The following TLN2 variants were observed in gnomAD, a reference collection of about 807,000 sequenced individuals.
The protein encoded by TLN2 is talin 2.
Under a neutral mutation model 294.7 loss-of-function variants are expected in TLN2, and 118 were observed. The ratio of observed to expected loss-of-function variants is 0.40; its 90% CI spans 0.34 to 0.47. TLN2 has a LOEUF of 0.47. Ranked by LOEUF, TLN2 falls within the 20% of genes least tolerant of loss-of-function variation. The probability of loss-of-function intolerance (pLI) is 0.84; values close to 1 mark genes in which losing one functional copy is unlikely to be tolerated. For synonymous variants in TLN2, 1,431 were observed against 1,304.5 expected (o/e 1.10, Z -2.09); for missense variants, 3,083 against 3,282.2 (o/e 0.94, Z 1.48).
At chr15:62,691,688 C>CT (rs1201630710) in intron 12 of TLN2, among the ~76,000 whole-genome samples, 1 of 151,730 alleles carries the variant, frequency 6.6e-6, no homozygotes, top group African/African-American at 2.4e-5. Flanking sequence ...ATTAGGAGAC[C>CT]TGTTTTTTTT....
chr15:62,818,408 G>T (rs1165458060), intron 52 of TLN2, among the ~76,000 whole-genome samples: 1 of 152,206 alleles, frequency 6.6e-6, no homozygotes, highest in South Asian at 2.1e-4. Context: ...GGAAGGGATA[G>T]GATGGTGTGC....
chr15:62,667,614 A>C (rs1293133095), intron 9 of TLN2, among the ~76,000 whole-genome samples: 1 of 152,170 alleles, frequency 6.6e-6, no homozygotes, highest in African/African-American at 2.4e-5. Flanking sequence ...TCTCCTTTTC[A>C]AGTGATAAAA....
At chr15:62,394,473 C>T (rs2032366419) in intron 1 of TLN2, among the ~76,000 whole-genome samples, 1 of 152,134 alleles carries the variant, frequency 6.6e-6, no homozygotes, top group Non-Finnish European at 1.5e-5. Context: ...CCACTGGTGC[C>T]TTTTTAATTA....
chr15:62,729,545 C>T (rs1364548814), intron 28 of TLN2, among the ~76,000 whole-genome samples: 1 of 152,144 alleles, frequency 6.6e-6, no homozygotes, highest in East Asian at 1.9e-4. Context: ...TGGTTTTCTG[C>T]ATAGAAGTCT....
intron 1 of TLN2, among the ~76,000 whole-genome samples, chr15:62,396,509 T>G (rs1273301201): frequency 2.6e-5 from 4 of 152,146 alleles, no homozygotes; most frequent in African/African-American, 9.7e-5. Context: ...GTGTAAAGGA[T>G]AGCTTTGATT....
At chr15:62,656,295 C>G (rs1272539450) in intron 8 of TLN2, among the ~76,000 whole-genome samples, 1 of 152,152 alleles carries the variant, frequency 6.6e-6, no homozygotes, top group Non-Finnish European at 1.5e-5. Context: ...GTAGGGCCTC[C>G]CTATGGCTTC....
chr15:62,577,826 A>G (rs549921074), intron 1 of TLN2, among the ~76,000 whole-genome samples: 19 of 152,244 alleles, frequency 1.2e-4, no homozygotes, highest in African/African-American at 4.6e-4. Flanking sequence ...TATTTCTCCT[A>G]ATGCTATCCC....
In TLN2 at chr15:62,696,493, G is replaced by A. The variant is rs553434417; in HGVS notation, c.1293-1195G>A. Among the ~76,000 whole-genome samples the A allele has an allele frequency of 7.9e-5, 12 of 152,262 alleles. No homozygotes were observed. The East Asian group carries it at 2.3e-3, about 29-fold the overall frequency. On this transcript the variant is annotated intron_variant, in intron 14 of 58. Transcript: ENST00000636159. ...AGGCTGAGGCGGGTGGTTCACCTGA[G>A]GTCAGGAGTTCAAGACCAGCCTGGC...
intron 37 of TLN2, 37 bp downstream of exon 37, chr15:62,755,730 A>C (rs754176413): frequency 1.2e-6 from 2 of 1,611,352 alleles, no homozygotes; most frequent in African/African-American, 2.7e-5. Flanking sequence ...TGAACTCTGT[A>C]ACTCCTGTTC....
At position 62,762,462 on chromosome 15, in the gene TLN2, C is replaced by T. The variant is rs1376674106; in HGVS notation, c.4961+9C>T. 6.2e-7 allele frequency: 1 copy of T among 1,612,568 alleles called. No homozygotes were observed. The highest frequency in any genetic ancestry group is 2.2e-5 in the East Asian group (1 of 44,864). On this transcript the variant is annotated intron_variant, in intron 39 of 58. Coordinates refer to ENST00000636159, the MANE Select transcript of TLN2 (RefSeq NM_015059.3). ...CTCATCACTTCTATCAGGTCAGTTT[C>T]CCATCCGGAGGTTGCTGCCAGCCTG...
At chr15:62,653,473 C>G (rs997226340) in intron 7 of TLN2, among the ~76,000 whole-genome samples, 159 bp downstream of exon 7, 1 of 152,136 alleles carries the variant, frequency 6.6e-6, no homozygotes, top group Non-Finnish European at 1.5e-5. Flanking sequence ...CTTCTATAAT[C>G]CCAGTATTTT....
intron 1 of TLN2, among the ~76,000 whole-genome samples, chr15:62,583,976 A>G (rs2045370445): frequency 6.6e-6 from 1 of 152,336 alleles, no homozygotes. Context: ...TTGCCCTCCT[A>G]GTAAGCATAT....
In TLN2 at chr15:62,755,661, A is replaced by G; in HGVS notation, c.4606A>G (p.Asn1536Asp). ...CGTCCAGTCAGCCAAGGAAGTCGCC[A>G]ACAGCACTGCCAACCTGGTGAAGAC... ...HFVQSAKEVA[N>D]STANLVKTIK... The change falls in exon 37 of 59, where the codon AAC becomes GAC. Residue 1536 changes from asparagine (N) to aspartate (D), a missense_variant. Transcript: ENST00000636159. 1 of 1,614,260 alleles carries G rather than the reference A, an allele frequency of 6.2e-7. No homozygotes were observed. Among genetic ancestry groups the G allele is most frequent in the Non-Finnish European group, 8.5e-7 (1 of 1,180,044 alleles).
intron 1 of TLN2, among the ~76,000 whole-genome samples, chr15:62,574,954 A>G (rs1567125264): frequency 7.0e-6 from 1 of 142,080 alleles, no homozygotes; most frequent in East Asian, 1.9e-4. Context: ...GGAGATTGCC[A>G]AAAAAAATGG....
At chr15:62,675,830 C>A (rs1050407672) in intron 11 of TLN2, among the ~76,000 whole-genome samples, 1 of 152,114 alleles carries the variant, frequency 6.6e-6, no homozygotes, top group Admixed American at 6.5e-5. Context: ...TGAAATTGTA[C>A]CTGTGAGCAA....
At chr15:62,391,885 G>C (rs2032115768) in intron 1 of TLN2, among the ~76,000 whole-genome samples, 1 of 152,276 alleles carries the variant, frequency 6.6e-6, no homozygotes, top group African/African-American at 2.4e-5. Flanking sequence ...TGCTCAGCCG[G>C]AGCCGTGCGC....
intron 1 of TLN2, among the ~76,000 whole-genome samples, chr15:62,572,015 A>T (rs895414965): frequency 5.9e-5 from 9 of 152,170 alleles, no homozygotes; most frequent in Non-Finnish European, 1.3e-4. Flanking sequence ...TGATGTGCTG[A>T]TATGGGAGGG....
intron 23 of TLN2, 79 bp downstream of exon 23, chr15:62,716,538 G>A: frequency 6.7e-7 from 1 of 1,485,882 alleles, no homozygotes; most frequent in East Asian, 2.4e-5. Context: ...GAATTAACAA[G>A]GTGTTGACAA....
At chr15:62,554,304 A>T (rs988320732) in intron 1 of TLN2, among the ~76,000 whole-genome samples, 3 of 149,782 alleles carry the variant, frequency 2.0e-5, no homozygotes, top group African/African-American at 7.4e-5. Context: ...GTATGAATAG[A>T]ATTTCCGTAG....
Sources: gnomAD v4.1 joint callset for allele counts (sites outside exome capture counted in the v4.1 genomes callset) on GRCh38, gnomAD v4.1.1 for gene constraint, MANE v1.5 for transcripts, NCBI Gene and HGNC (gene_info 2026-07-23, HGNC 2026-07-21) for gene names.